The following QDPR variants were observed in gnomAD, a reference collection of about 807,000 sequenced individuals.
QDPR encodes the protein quinoid dihydropteridine reductase, also known as dihydropteridine reductase.
In QDPR, 23 loss-of-function variants were observed where a neutral mutation model predicts 31.7. That is an observed-to-expected ratio of 0.73 (90% CI 0.52 to 1.03). The LOEUF (loss-of-function observed/expected upper bound fraction) is 1.03. QDPR is among the 50% of genes least tolerant of loss of function. The pLI is 0.00. For missense variants in QDPR, 324 were observed against 323.8 expected (o/e 1.00, Z 0.00); for synonymous variants, 124 against 124.7 (o/e 0.99, Z 0.03).
chr4:17,508,890 G>T (rs1424919118), intron 2 of QDPR, among the ~76,000 whole-genome samples: 2 of 152,182 alleles, frequency 1.3e-5, no homozygotes, highest in Admixed American at 1.3e-4. Flanking sequence ...CAGGCGCGGT[G>T]GCTCATGCCT....
chr4:17,509,189 C>T, intron 2 of QDPR, 82 bp downstream of exon 2: 1 of 1,108,172 alleles, frequency 9.0e-7, no homozygotes, highest in Non-Finnish European at 1.4e-6. Flanking sequence ...GAAGAACATA[C>T]AGCCAAAGGA....
At chr4:17,501,248 T>C (rs1034772673) in intron 4 of QDPR, among the ~76,000 whole-genome samples, 1 of 152,170 alleles carries the variant, frequency 6.6e-6, no homozygotes, top group Non-Finnish European at 1.5e-5. Flanking sequence ...CTTGAACTCC[T>C]GGGCTCAAGC....
intron 4 of QDPR, among the ~76,000 whole-genome samples, chr4:17,497,536 T>C (rs1230040761): frequency 6.8e-6 from 1 of 147,916 alleles, no homozygotes. Context: ...AATTATATTA[T>C]CAGTAATTGC....
At chr4:17,489,785 T>C (rs2108986149) in intron 6 of QDPR, among the ~76,000 whole-genome samples, 1 of 152,330 alleles carries the variant, frequency 6.6e-6, no homozygotes, top group South Asian at 2.1e-4. Context: ...TTTCTCCCGA[T>C]TTAATTTAAA....
At chr4:17,495,515 T>C (rs760771601) in intron 4 of QDPR, among the ~76,000 whole-genome samples, 13 of 152,192 alleles carry the variant, frequency 8.5e-5, no homozygotes, top group Non-Finnish European at 1.9e-4. Flanking sequence ...CGAGCAGCTC[T>C]TTCAGCCTCT....
rs775046749 is a variant in QDPR at position 17,492,218 on chromosome 4, C to A, written c.545+14G>T. ...GCAGAGGTGGGCAGCAGCCAGGGAA[C>A]CCCAAGCACTTACGGGAGCACAGCG... On this transcript the variant is annotated intron_variant, in intron 5 of 6. Coordinates refer to ENST00000281243, the MANE Select transcript of QDPR (RefSeq NM_000320.3). 2.8e-5 allele frequency: 45 copies of A among 1,608,554 alleles called. No individual in the cohort carries two copies. The highest frequency in any genetic ancestry group is 3.7e-5 in the Non-Finnish European group (44 of 1,175,652).
intron 6 of QDPR, among the ~76,000 whole-genome samples, chr4:17,488,448 G>A (rs1249018527): frequency 6.6e-6 from 1 of 151,854 alleles, no homozygotes; most frequent in Non-Finnish European, 1.5e-5. Flanking sequence ...TGGAAAAAGA[G>A]ATAGAAAAAA....
At chr4:17,497,531 T>C (rs1313159862) in intron 4 of QDPR, among the ~76,000 whole-genome samples, 1 of 137,034 alleles carries the variant, frequency 7.3e-6, no homozygotes, top group East Asian at 1.9e-4. Flanking sequence ...TATATAATTA[T>C]ATTATCAGTA....
rs71810044 is a variant in QDPR, at chr4:17,486,884, GC to G, written c.*246del. 143,534 of 535,556 alleles carry G rather than the reference GC, an allele frequency of 0.27. 21,708 individuals carry two copies. Among genetic ancestry groups the G allele is most frequent in the South Asian group, 0.37 (18,044 of 48,338 alleles). 33.2% of individuals were successfully genotyped at this position (535,556 alleles called of 1,614,324 possible). ...ACCGCTATAGCAGGTGCTATGCAGA[GC>G]CCTCCCTATGCAGTTAACACAGATC... On this transcript the variant is annotated 3_prime_UTR_variant, in exon 7 of 7. Transcript: ENST00000281243.
At chr4:17,487,769 C>G (rs1718021279) in intron 6 of QDPR, among the ~76,000 whole-genome samples, 1 of 152,038 alleles carries the variant, frequency 6.6e-6, no homozygotes. Flanking sequence ...TTGAGGCCAG[C>G]CTGGACACAA....
chr4:17,487,698 C>A (rs958199830), intron 6 of QDPR, among the ~76,000 whole-genome samples: 2 of 152,000 alleles, frequency 1.3e-5, no homozygotes, highest in Non-Finnish European at 2.9e-5. Flanking sequence ...CATTATGGCT[C>A]ACCCCTATGA....
chr4:17,492,610 C>T, intron 4 of QDPR: 2 of 520,318 alleles, frequency 3.8e-6, no homozygotes, highest in Non-Finnish European at 3.5e-6. Context: ...CCGGTGCATC[C>T]AAGCTGCAGC....
At chr4:17,500,643 C>G (rs1422706976) in intron 4 of QDPR, among the ~76,000 whole-genome samples, 1 of 152,186 alleles carries the variant, frequency 6.6e-6, no homozygotes, top group Non-Finnish European at 1.5e-5. Flanking sequence ...CCTGCAGATA[C>G]CTTGATCTCC....
intron 1 of QDPR, chr4:17,509,878 C>G: frequency 2.2e-6 from 1 of 451,584 alleles, no homozygotes. Flanking sequence ...AAACCCTGCA[C>G]TTCTAGAGAC....
Position 17,490,560 on chromosome 4 carries a change from G to A in QDPR, c.629+102C>T, listed in dbSNP as rs550718702. 1.5e-4 allele frequency: 143 copies of A among 969,824 alleles called. 2 individuals carry two copies. Among genetic ancestry groups the A allele is most frequent in the South Asian group, 9.8e-4 (72 of 73,460 alleles). The allele number at this position is 969,824 out of a possible 1,614,324, so 60.1% of individuals were successfully genotyped here. A position where few individuals can be genotyped will look rare whatever the true frequency, so the allele number is the denominator to read the frequency against. On this transcript the variant is annotated intron_variant, in intron 6 of 6. Transcript: ENST00000281243. ...TCCCAGAGACCTCCCAAGACCACCC[G>A]GATTGACGATCTCAGGGAACACAGA...
In QDPR at chr4:17,487,171, G is replaced by A; in HGVS notation, c.695C>T (p.Thr232Ile). The stretch of plus-strand genomic sequence containing the variant: ...GGTGAGTTCCGTCCTTCCTTCTGTG[G>A]TTACCACCTGGATTAGGCTTCCTGA... The part of the protein sequence containing the change: ...PSSGSLIQVV[T>I]TEGRTELTPA... Residue 232 changes from threonine to isoleucine, a missense_variant, in exon 7 of 7, where the codon ACC becomes ATC. Physicochemically the swap from Thr to Ile is moderately conservative, Grantham distance 89 (BLOSUM62 -1). Coordinates refer to ENST00000281243, the MANE Select transcript of QDPR (RefSeq NM_000320.3). 3 of 1,614,206 alleles carry A rather than the reference G, an allele frequency of 1.9e-6. No individual in the cohort carries two copies. The highest frequency in any genetic ancestry group is 2.5e-6 in the Non-Finnish European group (3 of 1,180,018).
chr4:17,511,977 G>C lies in QDPR; in HGVS notation c.78C>G (p.Cys26Trp), dbSNP rs1290683740. The part of the protein sequence containing the change: ...YGGRGALGSR[C>W]VQAFRARNWW... ...AGTTGCGGGCCCGAAAAGCCTGCACGCATCGAGAACCCAGAGCGCCCCTGC... is the reference window on the plus strand; with the variant it reads ...AGTTGCGGGCCCGAAAAGCCTGCACCCATCGAGAACCCAGAGCGCCCCTGC... Residue 26 changes from cysteine to tryptophan, a missense_variant, in exon 1 of 7, where the codon TGC becomes TGG. Transcript: ENST00000281243. 6.2e-7 allele frequency: 1 copy of C among 1,610,778 alleles called. No individual in the cohort carries two copies. Among genetic ancestry groups the C allele is most frequent in the African/African-American group, 1.3e-5 (1 of 74,726 alleles).
At chr4:17,490,208 A>G (rs1410666779) in intron 6 of QDPR, 2 of 216,582 alleles carry the variant, frequency 9.2e-6, no homozygotes, top group East Asian at 2.0e-4. Context: ...CAGGCCATCT[A>G]CGTGGTGTCC....
chr4:17,486,870 A>T lies in QDPR; in HGVS notation c.*261T>A. 2.0e-6 allele frequency: 1 copy of T among 504,106 alleles called. No homozygotes were observed. The highest frequency in any genetic ancestry group is 2.2e-5 in the South Asian group (1 of 44,890). 31.2% of individuals were successfully genotyped at this position (504,106 alleles called of 1,614,324 possible). A position where few individuals can be genotyped will look rare whatever the true frequency, so the allele number is the denominator to read the frequency against. Reference sequence around the variant, plus strand: ...CGATCCAACATGACACCGCTATAGCAGGTGCTATGCAGAGCCCTCCCTATG... The same window carrying T: ...CGATCCAACATGACACCGCTATAGCTGGTGCTATGCAGAGCCCTCCCTATG... On this transcript the variant is annotated 3_prime_UTR_variant, in exon 7 of 7. Coordinates refer to ENST00000281243, the MANE Select transcript of QDPR (RefSeq NM_000320.3).
Sources: gnomAD v4.1 joint callset for allele counts (sites outside exome capture counted in the v4.1 genomes callset) on GRCh38, gnomAD v4.1.1 for gene constraint, MANE v1.5 for transcripts, NCBI Gene and HGNC (gene_info 2026-07-23, HGNC 2026-07-21) for gene names.